The following KCNG1 variants were observed in gnomAD, a reference collection of about 807,000 sequenced individuals.
KCNG1 encodes the protein voltage-gated potassium channel regulatory subunit KCNG1.
A neutral mutation model predicts 32.4 loss-of-function variants in KCNG1; 17 were observed. The ratio of observed to expected loss-of-function variants is 0.52; its 90% confidence interval spans 0.36 to 0.79. The LOEUF (loss-of-function observed/expected upper bound fraction) is 0.79, where lower values mean the gene tolerates loss of function less well. KCNG1 is among the 30% of genes least tolerant of loss of function. KCNG1 has a pLI of 0.00. For missense variants in KCNG1, 441 were observed against 735.2 expected, an observed-to-expected ratio of 0.60 and a Z score of 4.63; for synonymous variants, 358 against 339.9, an observed-to-expected ratio of 1.05 and a Z score of -0.59.
At chr20:51,016,627 T>C (rs957069159) in intron 1 of KCNG1, among the ~76,000 whole-genome samples, 2 of 152,220 alleles carry the variant, frequency 1.3e-5, no homozygotes, top group Admixed American at 1.3e-4. Context: ...TGAGACTCAG[T>C]TTCTTTATCT....
rs955700661 is a variant in KCNG1 at position 51,015,786 on chromosome 20, A to C, written c.-26-5422T>G. 6.6e-6 allele frequency among the ~76,000 whole-genome samples: 1 copy of C among 152,230 alleles called. No homozygotes were observed. The highest frequency in any genetic ancestry group is 1.5e-5 in the Non-Finnish European group (1 of 68,046). On this transcript the variant is annotated intron_variant, in intron 1 of 2. Transcript: ENST00000371571. The surrounding 1 kb of genome is among the most constrained non-coding windows in gnomAD (Gnocchi z 4.4). ...TGCTACAGCTGATCTGAGATGGGAA[A>C]TTATCTTGGATGATCTGGGTGGGCC... is the stretch of plus-strand genomic sequence containing the variant.
rs569089662 is a variant in KCNG1 at position 51,015,909 on chromosome 20, G to A, written c.-26-5545C>T. Reference sequence around the variant, plus strand: ...AGAATGACTCCACTGGCCACTGCTGGCTTTGAAGATGGAGGAAGGGGCCAT... The same window carrying A: ...AGAATGACTCCACTGGCCACTGCTGACTTTGAAGATGGAGGAAGGGGCCAT... On this transcript the variant is annotated intron_variant, in intron 1 of 2. Transcript: ENST00000371571. The surrounding 1 kb of genome is among the most constrained non-coding windows in gnomAD (Gnocchi z 4.4). Among the ~76,000 whole-genome samples the A allele has an allele frequency of 3.9e-5, 6 of 152,330 alleles. No individual in the cohort carries two copies. Among genetic ancestry groups the A allele is most frequent in the South Asian group, 4.1e-4 (2 of 4,826 alleles).
Position 51,009,909 on chromosome 20 carries a change from C to G in KCNG1, c.430G>C (p.Ala144Pro). 6.2e-7 allele frequency: 1 copy of G among 1,613,604 alleles called. No individual in the cohort carries two copies. The highest frequency in any genetic ancestry group is 1.3e-5 in the African/African-American group (1 of 75,072). The change falls in exon 2 of 3, where the codon GCG (alanine) becomes CCG (proline). Residue 144 changes from alanine to proline, a missense_variant. Physicochemically the swap from Ala to Pro is conservative, Grantham distance 27 (BLOSUM62 -1). This residue lies in a region of KCNG1 where 70 missense variants were observed against 158.4 expected (regional missense o/e 0.44). Transcript: ENST00000371571. Reference sequence around the variant, plus strand: ...AGCAGCTCCTCCTGGAAGGACAGCGCGCACATCTCGCGCAGCAGCCGCAGC... The same window carrying G: ...AGCAGCTCCTCCTGGAAGGACAGCGGGCACATCTCGCGCAGCAGCCGCAGC... ...GKLRLLREMCALSFQEELLYW... is the reference protein window; with the variant it reads ...GKLRLLREMCPLSFQEELLYW...
At chr20:51,010,720 C>A (rs888754591) in intron 1 of KCNG1, among the ~76,000 whole-genome samples, 1 of 152,084 alleles carries the variant, frequency 6.6e-6, no homozygotes, top group Non-Finnish European at 1.5e-5. Context: ...CATGGTGAAA[C>A]CCTGTCTCTA....
intron 2 of KCNG1, among the ~76,000 whole-genome samples, chr20:51,008,330 A>T (rs959479260): frequency 6.6e-6 from 1 of 151,980 alleles, no homozygotes; most frequent in African/African-American, 2.4e-5. Context: ...CACAATTTTT[A>T]AAAAAATTTT....
chr20:51,011,795 C>CTAT (rs911014415), intron 1 of KCNG1, among the ~76,000 whole-genome samples: 30 of 152,006 alleles, frequency 2.0e-4, no homozygotes, highest in African/African-American at 5.8e-4. Context: ...TAACTATTGT[C>CTAT]TATTATTATT....
rs1028582508 is a variant in KCNG1 at position 51,015,398 on chromosome 20, G to T, written c.-26-5034C>A. 6.6e-6 allele frequency among the ~76,000 whole-genome samples: 1 copy of T among 152,168 alleles called. No individual in the cohort carries two copies. Among genetic ancestry groups the T allele is most frequent in the Non-Finnish European group, 1.5e-5 (1 of 68,028 alleles). ...AGCAGCTGGCAAAATCCAGGAGAGA[G>T]GGGGGAGATGGGTGTCTCCCAAGGA... On this transcript the variant is annotated intron_variant, in intron 1 of 2. Transcript: ENST00000371571. This position sits in a 1 kb window ranked among gnomAD's most constrained non-coding sequence, Gnocchi z 4.4.
chr20:51,018,500 CTCTGGACCCTGT>C (rs1262486041), intron 1 of KCNG1, among the ~76,000 whole-genome samples: 1 of 152,194 alleles, frequency 6.6e-6, no homozygotes, highest in African/African-American at 2.4e-5. Flanking sequence ...CTGCGGGCCT[CTCTGGACCCTGT>C]TCTTTCTGTC....
intron 2 of KCNG1, chr20:51,006,488 G>C (rs1987830652): frequency 6.6e-6 from 1 of 152,086 alleles, no homozygotes; most frequent in Non-Finnish European, 1.5e-5. Flanking sequence ...AGGACTTTCT[G>C]CACATTCACT....
Position 51,023,062 on chromosome 20 carries a change from C to A in KCNG1, c.-219G>T, listed in dbSNP as rs1988540597. 6.6e-6 allele frequency: 1 copy of A among 152,168 alleles called. No homozygotes were observed. Among genetic ancestry groups the A allele is most frequent in the Non-Finnish European group, 1.5e-5 (1 of 68,022 alleles). 9.4% of individuals were successfully genotyped at this position (152,168 alleles called of 1,614,324 possible). A position where few individuals can be genotyped will look rare whatever the true frequency, so the allele number is the denominator to read the frequency against. ...GGCTCAGCTCCCGCCCTCGGAGCCA[C>A]GGCCGCCCCGTCTCTGCCTCCCGGT... On this transcript the variant is annotated 5_prime_UTR_variant, in exon 1 of 3. Transcript: ENST00000371571.
rs1256129510 is a variant in KCNG1, at chr20:51,009,541, TC to T, written c.774+23del. On this transcript the variant is annotated intron_variant, in intron 2 of 2. Transcript: ENST00000371571. ...GTCCCTTCCCTCGTGGTGGCGCGTT[TC>T]CCCGCGGGGCGTGGGCTCTTACCTG... is the stretch of plus-strand genomic sequence containing the variant. The T allele has an allele frequency of 2.6e-6, 4 of 1,559,632 alleles. No homozygotes were observed. The African/African-American group carries it at 5.4e-5, about 21-fold the overall frequency.
rs1988266337 is a variant in KCNG1, at chr20:51,015,955, C to G, written c.-26-5591G>C. On this transcript the variant is annotated intron_variant, in intron 1 of 2. Coordinates refer to ENST00000371571, the MANE Select transcript of KCNG1 (RefSeq NM_002237.4). The surrounding 1 kb of genome is among the most constrained non-coding windows in gnomAD (Gnocchi z 4.4). ...GCCATGAATCAAGGAATGCAGGTGG[C>G]CTCCAAAGGCTGGAGGCCAGGAAAT... 6.6e-6 allele frequency among the ~76,000 whole-genome samples: 1 copy of G among 152,168 alleles called. No homozygotes were observed. The highest frequency in any genetic ancestry group is 2.1e-4 in the South Asian group (1 of 4,824).
chr20:51,019,385 C>T (rs2123278581), intron 1 of KCNG1, among the ~76,000 whole-genome samples: 1 of 152,190 alleles, frequency 6.6e-6, no homozygotes, highest in Admixed American at 6.5e-5. Flanking sequence ...GTGGTGTGTA[C>T]CTCTAGTCCC....
intron 1 of KCNG1, among the ~76,000 whole-genome samples, chr20:51,017,399 A>G (rs1601106511): frequency 6.6e-6 from 1 of 152,242 alleles, no homozygotes; most frequent in East Asian, 1.9e-4. Context: ...GAGGATCTAT[A>G]TTAACCACAT....
intron 2 of KCNG1, among the ~76,000 whole-genome samples, chr20:51,008,760 G>A (rs1987937983): frequency 6.6e-6 from 1 of 152,130 alleles, no homozygotes; most frequent in South Asian, 2.1e-4. Context: ...ATAGTCCTGT[G>A]GGGCTATATT....
Position 51,009,696 on chromosome 20 carries a change from C to G in KCNG1, c.643G>C (p.Asp215His). Residue 215 changes from aspartate (D) to histidine (H), a missense_variant, in exon 2 of 3, where the codon GAC (aspartate) becomes CAC (histidine). By Grantham distance (81) the Asp-to-His change is moderately conservative. This residue lies in a region of KCNG1 where 169 missense variants were observed against 297.7 expected (regional missense o/e 0.57). Transcript: ENST00000371571. ...RLGRCMRRLRDMVERPHSGLP... is the reference protein window; with the variant it reads ...RLGRCMRRLRHMVERPHSGLP... ...CCCGAGTGCGGCCTCTCCACCATGT[C>G]GCGCAGTCGCCGCATGCAGCGCCCC... The G allele has an allele frequency of 6.2e-7, 1 of 1,604,318 alleles. No homozygotes were observed. The highest frequency in any genetic ancestry group is 8.5e-7 in the Non-Finnish European group (1 of 1,178,448).
chr20:51,022,714 G>C (rs1988526540), intron 1 of KCNG1, 156 bp downstream of exon 1: 1 of 152,270 alleles, frequency 6.6e-6, no homozygotes. Flanking sequence ...CGAGTCCTCT[G>C]TCGCCCTGGC....
intron 1 of KCNG1, among the ~76,000 whole-genome samples, chr20:51,018,700 C>T (rs746727742): frequency 2.0e-5 from 3 of 152,210 alleles, no homozygotes; most frequent in South Asian, 2.1e-4. Context: ...AAAAGGTGGG[C>T]ATTATCACTA....
intron 2 of KCNG1, among the ~76,000 whole-genome samples, chr20:51,008,271 C>A (rs1225381935): frequency 2.0e-5 from 3 of 152,030 alleles, no homozygotes; most frequent in Admixed American, 1.3e-4. Flanking sequence ...GGACCGCAGG[C>A]TGGTGTATAT....
Sources: allele counts gnomAD v4.1 joint callset (sites outside exome capture counted in the v4.1 genomes callset), GRCh38; gene constraint gnomAD v4.1.1; regional missense constraint gnomAD v4.1.1; non-coding constraint Gnocchi (gnomAD v3.1); transcripts MANE v1.5; gene names NCBI Gene and HGNC (gene_info 2026-07-23, HGNC 2026-07-21).